Variants in HMCN1 observed in about 807,000 individuals in gnomAD.
The protein encoded by HMCN1 is hemicentin-1.
A neutral mutation model predicts 625.9 loss-of-function variants in HMCN1; 321 were observed. The ratio of observed to expected loss-of-function variants is 0.51; its 90% CI spans 0.47 to 0.56. The LOEUF is 0.56. Ranked by LOEUF, HMCN1 falls within the 20% of genes least tolerant of loss-of-function variation. The pLI, the probability that HMCN1 is intolerant of heterozygous loss-of-function variation, is 0.00. For synonymous variants in HMCN1, 2,425 were observed against 2,417.6 expected, an observed-to-expected ratio of 1.00 and a Z score of -0.09; for missense variants, 6,588 against 6,887.3, an observed-to-expected ratio of 0.96 and a Z score of 1.54.
chr1:186,031,186 G>A (rs781647332), intron 36 of HMCN1, among the ~76,000 whole-genome samples: 8 of 151,986 alleles, frequency 5.3e-5, no homozygotes, highest in Non-Finnish European at 1.0e-4. Flanking sequence ...TAGAACAGGG[G>A]TCTAGCAATG....
chr1:186,176,704 A>G (rs913949084), intron 103 of HMCN1: 2 of 152,306 alleles, frequency 1.3e-5, no homozygotes, highest in African/African-American at 4.8e-5. Flanking sequence ...TCACAAAACA[A>G]ATATACAATT....
At chr1:185,865,939 G>A in intron 4 of HMCN1, 76 bp downstream of exon 4, 1 of 1,494,024 alleles carries the variant, frequency 6.7e-7, no homozygotes. Context: ...AATTATGACA[G>A]ATTTGATTTC....
At chr1:186,052,887 A>C in intron 42 of HMCN1, 65 bp from the exon 43 acceptor site, 1 of 1,351,988 alleles carries the variant, frequency 7.4e-7, no homozygotes, top group Non-Finnish European at 1.1e-6. Context: ...TTTATCTTAC[A>C]TGTAAACTGT....
rs1667387549 is a variant in HMCN1 at position 185,928,534 on chromosome 1, T to A, written c.1431-12T>A. On this transcript the variant is annotated splice_polypyrimidine_tract_variant and intron_variant, in intron 9 of 106. Coordinates refer to ENST00000271588, the MANE Select transcript of HMCN1 (RefSeq NM_031935.3). ...TATAGTAACTAAAAGTTTTCCATTT[T>A]CTTACCTCCAGAGAATCTGCCAGTG... 1.2e-6 allele frequency: 2 copies of A among 1,611,464 alleles called. No homozygotes were observed.
At chr1:186,013,653 G>T (rs1654143370) in intron 30 of HMCN1, among the ~76,000 whole-genome samples, 1 of 152,108 alleles carries the variant, frequency 6.6e-6, no homozygotes, top group African/African-American at 2.4e-5. Flanking sequence ...GCTGGAGCAT[G>T]TAGTAAGGCC....
intron 30 of HMCN1, among the ~76,000 whole-genome samples, chr1:186,011,562 C>T (rs1654006980): frequency 6.6e-6 from 1 of 152,210 alleles, no homozygotes; most frequent in Admixed American, 6.5e-5. Context: ...AAAGCCCTCA[C>T]TTTCAAAGAT....
At chr1:185,919,484 G>A (rs1309837473) in intron 6 of HMCN1, among the ~76,000 whole-genome samples, 1 of 152,118 alleles carries the variant, frequency 6.6e-6, no homozygotes, top group African/African-American at 2.4e-5. Context: ...AGATTTGGGG[G>A]CTATGTCAGA....
At chr1:185,816,139 A>AGT in intron 1 of HMCN1, among the ~76,000 whole-genome samples, 1 of 140,504 alleles carries the variant, frequency 7.1e-6, no homozygotes, top group African/African-American at 3.3e-5. Context: ...TAGCATGATC[A>AGT]TGGAATTTCT....
intron 66 of HMCN1, among the ~76,000 whole-genome samples, chr1:186,093,983 A>G (rs139016658): frequency 6.6e-6 from 1 of 152,108 alleles, no homozygotes; most frequent in Non-Finnish European, 1.5e-5. Flanking sequence ...GAAGATGCCT[A>G]CTATGATAAT....
rs1653316266 is a variant in HMCN1 at position 186,003,240 on chromosome 1, C to CATGAA, written c.4349-476_4349-475insGAAAT. Among the ~76,000 whole-genome samples, 7 of 152,178 alleles carry CATGAA rather than the reference C, an allele frequency of 4.6e-5. No homozygotes were observed. In the South Asian group the frequency reaches 1.2e-3, roughly 27 times the overall value. On this transcript the variant is annotated intron_variant, in intron 28 of 106. Coordinates refer to ENST00000271588, the MANE Select transcript of HMCN1 (RefSeq NM_031935.3). ...ATAATCCTGAGAATAAAAACTAGCACATTATTTTTCATGTTATATTGCATA... is the reference window on the plus strand; with the variant it reads ...ATAATCCTGAGAATAAAAACTAGCACATGAAATTATTTTTCATGTTATATTGCATA...
chr1:185,946,507 A>G (rs1330889083), intron 11 of HMCN1, among the ~76,000 whole-genome samples: 4 of 152,202 alleles, frequency 2.6e-5, no homozygotes, highest in African/African-American at 9.7e-5. Context: ...AGGCAAGTCT[A>G]AACTTTGGCC....
At chr1:185,865,719 C>CTT (rs57584779) in intron 3 of HMCN1, 22 bp from the exon 4 acceptor site, 195 of 907,984 alleles carry the variant, frequency 2.1e-4, no homozygotes, top group African/African-American at 3.3e-4. Context: ...TACACTGTTT[C>CTT]TTTTTTTTTT....
chr1:186,073,841 A>G (rs1658622889), intron 52 of HMCN1, among the ~76,000 whole-genome samples: 1 of 152,050 alleles, frequency 6.6e-6, no homozygotes, highest in South Asian at 2.1e-4. Context: ...CTAGGAAGTG[A>G]TAGTCACCAA....
Position 185,950,478 on chromosome 1 carries a change from C to T in HMCN1, c.1829-12040C>T, listed in dbSNP as rs965257012. 8.4e-4 allele frequency among the ~76,000 whole-genome samples: 127 copies of T among 151,636 alleles called. 3 individuals carry two copies. Among genetic ancestry groups the T allele is most frequent in the East Asian group, 1.2e-3 (6 of 5,148 alleles). On this transcript the variant is annotated intron_variant, in intron 11 of 106. Transcript: ENST00000271588. ...CTGGCTCTTGTGTAAGAATTCTGAC[C>T]GCGCTAACCATGCCTAGGAGGGAAA...
intron 2 of HMCN1, among the ~76,000 whole-genome samples, chr1:185,849,601 A>C (rs1189116003): frequency 6.6e-6 from 1 of 152,196 alleles, no homozygotes; most frequent in African/African-American, 2.4e-5. Flanking sequence ...CTGTTGGATA[A>C]ATGACTTAAT....
chr1:185,924,255 G>A (rs572716586), intron 8 of HMCN1, among the ~76,000 whole-genome samples: 6 of 103,534 alleles, frequency 5.8e-5, no homozygotes, highest in African/African-American at 2.4e-4. Context: ...TTTTGAGACG[G>A]AGTCTCGCTC....
Position 186,003,760 on chromosome 1 carries a change from C to T in HMCN1, c.4391C>T (p.Ser1464Leu), listed in dbSNP as rs542417554. ...GGTACCAACTTCCCAAATGAAGTCT[C>T]AGTTGTCCTCAACCGTGACGTCGCC... Reference protein sequence around the residue: ...IIGTNFPNEVSVVLNRDVALE... With the variant: ...IIGTNFPNEVLVVLNRDVALE... The change falls in exon 29 of 107, where the codon TCA (serine) becomes TTA (leucine). Residue 1464 changes from serine (S) to leucine (L), a missense_variant. Ser to Leu is a moderately radical substitution (Grantham distance 145). Around this residue, in one of 3 missense-constraint regions of HMCN1, gnomAD observed 4,628 missense variants for 4,853.1 expected, o/e 0.95. Transcript: ENST00000271588. 2.5e-6 allele frequency: 4 copies of T among 1,613,160 alleles called. No individual in the cohort carries two copies. The highest frequency in any genetic ancestry group is 2.7e-5 in the African/African-American group (2 of 74,990).
At chr1:186,053,161 CA>C (rs1180664718) in intron 43 of HMCN1, 87 bp downstream of exon 43, 1 of 1,318,916 alleles carries the variant, frequency 7.6e-7, no homozygotes, top group Non-Finnish European at 1.1e-6. Flanking sequence ...AGATTATAAA[CA>C]AATTTTCCTG....
intron 31 of HMCN1, 80 bp downstream of exon 31, chr1:186,015,517 T>C (rs951548535): frequency 7.5e-6 from 10 of 1,333,012 alleles, no homozygotes; most frequent in South Asian, 7.1e-5. Context: ...TATTCACTAA[T>C]AGTCCTTGGT....
Sources: allele counts gnomAD v4.1 joint callset (sites outside exome capture counted in the v4.1 genomes callset), GRCh38; gene constraint gnomAD v4.1.1; regional missense constraint gnomAD v4.1.1; transcripts MANE v1.5; gene names NCBI Gene and HGNC (gene_info 2026-07-23, HGNC 2026-07-21).